The following BRD2 variants were observed in gnomAD, a reference collection of about 807,000 sequenced individuals.
BRD2 encodes the protein bromodomain containing 2.
Under a neutral mutation model 79.1 loss-of-function variants are expected in BRD2, and 15 were observed. The ratio of observed to expected loss-of-function variants is 0.19; its 90% CI spans 0.13 to 0.29. The LOEUF is 0.29. Among genes scored for constraint, BRD2 ranks in the 10% least tolerant of loss-of-function variants. The pLI, the probability that BRD2 is intolerant of heterozygous loss-of-function variation, is 1.00. For missense variants in BRD2, 1,053 were observed against 991.3 expected (o/e 1.06, Z -0.84); for synonymous variants, 488 against 358.6 (o/e 1.36, Z -4.08).
chr6:32,977,293 T>G, intron 7 of BRD2, 149 bp from the exon 8 acceptor site: 8 of 1,592,444 alleles, frequency 5.0e-6, no homozygotes, highest in Non-Finnish European at 6.8e-6. Flanking sequence ...CCAAATTCCT[T>G]TGACTTCAAA....
Position 32,980,727 on chromosome 6 carries a change from G to A in BRD2, c.*9G>A, listed in dbSNP as rs748984841. 6.2e-7 allele frequency: 1 copy of A among 1,612,334 alleles called. No individual in the cohort carries two copies. Among genetic ancestry groups the A allele is most frequent in the South Asian group, 1.1e-5 (1 of 91,042 alleles). ...ATTCAGACTCAGGCTAAGGGGTCAG[G>A]CCAGATGGGGCAGGAAGGCTCCGCA... On this transcript the variant is annotated 3_prime_UTR_variant, in exon 13 of 13. Coordinates refer to ENST00000374825, the MANE Select transcript of BRD2 (RefSeq NM_005104.4).
chr6:32,975,331 T>G lies in BRD2; in HGVS notation c.334-53T>G, dbSNP rs150850682. Reference sequence around the variant, plus strand: ...GTGTGAGAGTCGGGGATCGGTAGTCTCCCTATAAGCATTTATTTTTCTGTG... The same window carrying G: ...GTGTGAGAGTCGGGGATCGGTAGTCGCCCTATAAGCATTTATTTTTCTGTG... On this transcript the variant is annotated intron_variant, in intron 3 of 12. Transcript: ENST00000374825. The G allele has an allele frequency of 2.8e-6, 4 of 1,442,100 alleles. No homozygotes were observed. In the African/African-American group the frequency reaches 5.7e-5, roughly 21 times the overall value. 89.3% of individuals were successfully genotyped at this position (1,442,100 alleles called of 1,614,324 possible).
At chr6:32,970,232 A>G (rs12234147) in intron 1 of BRD2, 6 of 152,602 alleles carry the variant, frequency 3.9e-5, no homozygotes, top group Non-Finnish European at 8.8e-5. Context: ...AGGCCTCTGC[A>G]AAGTTGCTGT....
chr6:32,978,477 G>A (rs1779078436), intron 10 of BRD2, 89 bp downstream of exon 10: 2 of 1,536,450 alleles, frequency 1.3e-6, no homozygotes, highest in African/African-American at 2.8e-5. Flanking sequence ...ATTCTAAATG[G>A]CCAGTTAACA....
At position 32,976,427 on chromosome 6, in the gene BRD2, C is replaced by T. The variant is rs1388342529; in HGVS notation, c.788C>T (p.Ala263Val). The change falls in exon 6 of 13, where the codon GCT becomes GTT. Residue 263 changes from alanine to valine, a missense_variant. Ala to Val is a moderately conservative substitution (Grantham distance 64, BLOSUM62 0). Coordinates refer to ENST00000374825, the MANE Select transcript of BRD2 (RefSeq NM_005104.4). ...SLHSAGPPLLAVTAAPPAQPL... is the reference protein window; with the variant it reads ...SLHSAGPPLLVVTAAPPAQPL... ...CACTCTGCTGGACCCCCGCTCCTTG[C>T]TGTTACTGCAGCTCCTCCAGCCCAG... The T allele has an allele frequency of 4.3e-6, 7 of 1,611,860 alleles. No homozygotes were observed. Among genetic ancestry groups the T allele is most frequent in the Non-Finnish European group, 5.1e-6 (6 of 1,180,034 alleles).
rs1191042776 is a variant in BRD2, at chr6:32,980,573, G to T, written c.2270-9G>T. The T allele has an allele frequency of 3.7e-6, 6 of 1,612,950 alleles. No homozygotes were observed. The highest frequency in any genetic ancestry group is 1.3e-5 in the African/African-American group (1 of 74,920). Reference sequence around the variant, plus strand: ...TTGAACGTCTTTAACTTTCGAATTTGTTCTGCAGCGAATGAGAAAACAGAG... The same window carrying T: ...TTGAACGTCTTTAACTTTCGAATTTTTTCTGCAGCGAATGAGAAAACAGAG... On this transcript the variant is annotated splice_polypyrimidine_tract_variant and intron_variant, in intron 12 of 12. Coordinates refer to ENST00000374825, the MANE Select transcript of BRD2 (RefSeq NM_005104.4).
intron 3 of BRD2, 94 bp downstream of exon 3, chr6:32,974,859 G>A (rs34652619): frequency 6.8e-7 from 1 of 1,476,660 alleles, no homozygotes; most frequent in South Asian, 1.3e-5. Flanking sequence ...GCGGCCCCTA[G>A]GGAGTTCCCA....
chr6:32,978,120 C>G lies in BRD2; in HGVS notation c.1579-6C>G, dbSNP rs371813541. On this transcript the variant is annotated splice_region_variant and splice_polypyrimidine_tract_variant and intron_variant, in intron 9 of 12. Transcript: ENST00000374825. Reference sequence around the variant, plus strand: ...CTTTTTCCACTTCATGTTTTTTTTCCTTTAGCTTCGGGCAGTACATGAACA... The same window carrying G: ...CTTTTTCCACTTCATGTTTTTTTTCGTTTAGCTTCGGGCAGTACATGAACA... 3.8e-5 allele frequency: 60 copies of G among 1,590,480 alleles called. No homozygotes were observed. The highest frequency in any genetic ancestry group is 4.9e-5 in the Non-Finnish European group (58 of 1,172,670).
In BRD2 at chr6:32,968,966, T is replaced by G; in HGVS notation, c.-1395T>G. The stretch of plus-strand genomic sequence containing the variant: ...CGCCCCCTCCCCCAGCACGGCTTCG[T>G]TTTCTGGGGGGGGGTTGACACCCCG... On this transcript the variant is annotated 5_prime_UTR_variant, in exon 1 of 13. Coordinates refer to ENST00000374825, the MANE Select transcript of BRD2 (RefSeq NM_005104.4). 3 of 150,672 alleles carry G rather than the reference T, an allele frequency of 2.0e-5. No homozygotes were observed. Among genetic ancestry groups the G allele is most frequent in the Non-Finnish European group, 2.9e-5 (2 of 68,690 alleles). The allele number at this position is 150,672 out of a possible 1,614,324, so 9.3% of individuals were successfully genotyped here.
chr6:32,979,004 A>G (rs910825055), intron 10 of BRD2: 6 of 148,094 alleles, frequency 4.1e-5, no homozygotes, highest in African/African-American at 1.3e-4. Context: ...CTTGTTTTTC[A>G]TGGCGTAGTA....
At position 32,976,472 on chromosome 6, in the gene BRD2, C is replaced by T. The variant is rs776384353; in HGVS notation, c.825+8C>T. ...GCCCAGCCCCTTGCCAAGGTATGAT[C>T]TGTGGATTTCCTCTGGGCAGCAGGG... On this transcript the variant is annotated splice_region_variant and intron_variant, in intron 6 of 12. Transcript: ENST00000374825. 3 of 1,607,410 alleles carry T rather than the reference C, an allele frequency of 1.9e-6. No homozygotes were observed. The highest frequency in any genetic ancestry group is 1.7e-5 in the Admixed American group (1 of 59,978).
chr6:32,973,123 A>C, intron 2 of BRD2, 196 bp downstream of exon 2: 1 of 1,552,114 alleles, frequency 6.4e-7, no homozygotes, highest in Non-Finnish European at 8.7e-7. Context: ...CGTGGAGGGG[A>C]ATACAGGTTG....
Position 32,981,005 on chromosome 6 carries a change from G to T in BRD2, c.*287G>T. On this transcript the variant is annotated 3_prime_UTR_variant, in exon 13 of 13. Transcript: ENST00000374825. ...CAAGGGTGGGAGTGTGCAAAGCCCT[G>T]ATCTGGAGTTACCTGAGGCCACAGC... 1 of 437,544 alleles carries T rather than the reference G, an allele frequency of 2.3e-6. No homozygotes were observed. The highest frequency in any genetic ancestry group is 4.2e-6 in the Non-Finnish European group (1 of 236,988). 27.1% of individuals were successfully genotyped at this position (437,544 alleles called of 1,614,324 possible). A position where few individuals can be genotyped will look rare whatever the true frequency, so the allele number is the denominator to read the frequency against.
In BRD2 at chr6:32,980,473, A is replaced by G. The variant is rs781474811; in HGVS notation, c.2269+9A>G. The G allele has an allele frequency of 6.2e-7, 1 of 1,613,042 alleles. No individual in the cohort carries two copies. Among genetic ancestry groups the G allele is most frequent in the Non-Finnish European group, 8.5e-7 (1 of 1,180,012 alleles). Reference sequence around the variant, plus strand: ...AAAGCCCCCCAAGAAAGGTGAGTATATACTTTCATGCCACTACAGATTGAC... The same window carrying G: ...AAAGCCCCCCAAGAAAGGTGAGTATGTACTTTCATGCCACTACAGATTGAC... On this transcript the variant is annotated intron_variant, in intron 12 of 12. Coordinates refer to ENST00000374825, the MANE Select transcript of BRD2 (RefSeq NM_005104.4).
chr6:32,971,610 T>G lies in BRD2; in HGVS notation c.-1289T>G, dbSNP rs943380375. On this transcript the variant is annotated 5_prime_UTR_variant, in exon 2 of 13. Coordinates refer to ENST00000374825, the MANE Select transcript of BRD2 (RefSeq NM_005104.4). ...CTCGTTTCAGATTCTTCGCTGCTGC[T>G]GCCTTACCGCCGAGAACCACCACCC... The G allele has an allele frequency of 8.8e-6, 4 of 456,610 alleles. No homozygotes were observed. Among genetic ancestry groups the G allele is most frequent in the African/African-American group, 6.1e-5 (3 of 48,918 alleles). 28.3% of individuals were successfully genotyped at this position (456,610 alleles called of 1,614,324 possible).
At chr6:32,977,068 A>G (rs1305744162) in intron 7 of BRD2, 132 bp downstream of exon 7, 15 of 1,301,512 alleles carry the variant, frequency 1.2e-5, no homozygotes, top group Middle Eastern at 2.2e-4. Flanking sequence ...ATAATAGTGG[A>G]ACAGAAGGTC....
Position 32,980,691 on chromosome 6 carries a change from A to C in BRD2, c.2379A>C (p.Ser793=), listed in dbSNP as rs752984997. Residue 793 remains serine (S), a synonymous_variant, in exon 13 of 13, where the codon TCA becomes TCC. Transcript: ENST00000374825. The part of the protein sequence containing the change: ...SSSSSSSSSS[S]DTSDSDSG ...CCTCCTCTTCCTCGTCGTCGTCTTCAGACACCAGTGATTCAGACTCAGGCT... is the reference window on the plus strand; with the variant it reads ...CCTCCTCTTCCTCGTCGTCGTCTTCCGACACCAGTGATTCAGACTCAGGCT... The C allele has an allele frequency of 1.2e-6, 2 of 1,612,944 alleles. No homozygotes were observed. Among genetic ancestry groups the C allele is most frequent in the African/African-American group, 2.7e-5 (2 of 74,946 alleles).
rs369113238 is a variant in BRD2, at chr6:32,976,684, G to C, written c.948G>C (p.Met316Ile). The change falls in exon 7 of 13, where the codon ATG becomes ATC. Residue 316 changes from methionine to isoleucine, a missense_variant. By Grantham distance (10) the Met-to-Ile change is conservative. Around this residue, in one of 5 missense-constraint regions of BRD2, gnomAD observed 454 missense variants for 430.5 expected, o/e 1.05. Coordinates refer to ENST00000374825, the MANE Select transcript of BRD2 (RefSeq NM_005104.4). ...LEPKAARLPPMRRESGRPIKP... is the reference protein window; with the variant it reads ...LEPKAARLPPIRRESGRPIKP... Reference sequence around the variant, plus strand: ...CTAAGGCAGCACGGCTTCCCCCTATGCGTAGAGAGAGTGGTCGCCCCATCA... The same window carrying C: ...CTAAGGCAGCACGGCTTCCCCCTATCCGTAGAGAGAGTGGTCGCCCCATCA... 20 of 1,613,008 alleles carry C rather than the reference G, an allele frequency of 1.2e-5. No homozygotes were observed. The African/African-American group carries it at 2.7e-4, about 22-fold the overall frequency.
At chr6:32,969,536 G>T (rs1456134953) in intron 1 of BRD2, among the ~76,000 whole-genome samples, 1 of 152,176 alleles carries the variant, frequency 6.6e-6, no homozygotes, top group Non-Finnish European at 1.5e-5. Flanking sequence ...GCATTGCTGT[G>T]CGCCCTTTGT....
Sources: gnomAD v4.1 joint callset for allele counts (sites outside exome capture counted in the v4.1 genomes callset) on GRCh38, gnomAD v4.1.1 for gene constraint, gnomAD v4.1.1 regional missense constraint, MANE v1.5 for transcripts, NCBI Gene and HGNC (gene_info 2026-07-23, HGNC 2026-07-21) for gene names.